GRIK3: variants seen among roughly 807,000 people sequenced by gnomAD.
The protein encoded by GRIK3 is glutamate receptor ionotropic, kainate 3.
Under a neutral mutation model 102.5 loss-of-function variants are expected in GRIK3, and 29 were observed. The ratio of observed to expected loss-of-function variants is 0.28; its 90% CI spans 0.21 to 0.39. The LOEUF is 0.39. Ranked by LOEUF, GRIK3 falls within the 10% of genes least tolerant of loss-of-function variation. The pLI, the probability that GRIK3 is intolerant of heterozygous loss-of-function variation, is 1.00. For synonymous variants in GRIK3, 511 were observed against 504.9 expected (o/e 1.01, Z -0.16); for missense variants, 908 against 1,252.4 (o/e 0.73, Z 4.15).
intron 14 of GRIK3, among the ~76,000 whole-genome samples, chr1:36,805,808 T>C (rs1256224918): frequency 6.6e-6 from 1 of 151,242 alleles, no homozygotes; most frequent in Non-Finnish European, 1.5e-5. Context: ...TGGTGGCACA[T>C]GCCTGTAATC....
At chr1:36,983,135 G>A (rs1434752746) in intron 1 of GRIK3, among the ~76,000 whole-genome samples, 2 of 152,046 alleles carry the variant, frequency 1.3e-5, no homozygotes, top group Non-Finnish European at 2.9e-5. Flanking sequence ...GTGCACACCC[G>A]AGCAGCATGC....
At chr1:36,821,527 G>A (rs1408011356) in intron 11 of GRIK3, among the ~76,000 whole-genome samples, 1 of 152,202 alleles carries the variant, frequency 6.6e-6, no homozygotes, top group African/African-American at 2.4e-5. Flanking sequence ...GTGCTCTGTC[G>A]GTGGAACCAG....
intron 1 of GRIK3, among the ~76,000 whole-genome samples, chr1:36,970,699 A>C (rs1209075797): frequency 6.6e-6 from 1 of 151,700 alleles, no homozygotes; most frequent in Non-Finnish European, 1.5e-5. Context: ...TCCCCAGCCC[A>C]CTCCACTGTA....
intron 1 of GRIK3, among the ~76,000 whole-genome samples, chr1:36,917,881 C>T (rs2124301089): frequency 6.6e-6 from 1 of 152,276 alleles, no homozygotes; most frequent in Non-Finnish European, 1.5e-5. Flanking sequence ...AGCTAAGCTG[C>T]TCTTGTCAAA....
chr1:36,909,104 T>C (rs1641317207), intron 1 of GRIK3, among the ~76,000 whole-genome samples: 1 of 152,132 alleles, frequency 6.6e-6, no homozygotes, highest in African/African-American at 2.4e-5. Flanking sequence ...TTGTTAAAAC[T>C]ACAAAGTGGC....
At chr1:36,831,287 A>T (rs1268150983) in intron 10 of GRIK3, among the ~76,000 whole-genome samples, 3 of 152,078 alleles carry the variant, frequency 2.0e-5, no homozygotes, top group African/African-American at 7.2e-5. Flanking sequence ...CATATACTTC[A>T]CGTTGCCTGG....
At chr1:36,984,609 C>T (rs755064368) in intron 1 of GRIK3, among the ~76,000 whole-genome samples, 5 of 152,212 alleles carry the variant, frequency 3.3e-5, no homozygotes, top group Non-Finnish European at 7.3e-5. Flanking sequence ...CTGGGTCTAG[C>T]AGGGAGGAGT....
chr1:36,972,566 TC>T (rs1489348557), intron 1 of GRIK3, among the ~76,000 whole-genome samples: 1 of 152,114 alleles, frequency 6.6e-6, no homozygotes, highest in African/African-American at 2.4e-5. Context: ...CCACTCTTAT[TC>T]CCCTTTCCCT....
At chr1:36,942,406 C>A (rs188779874) in intron 1 of GRIK3, among the ~76,000 whole-genome samples, 4 of 152,296 alleles carry the variant, frequency 2.6e-5, no homozygotes, top group Admixed American at 2.6e-4. Flanking sequence ...TTCAAAGGCT[C>A]CTCTGGTAAA....
intron 13 of GRIK3, among the ~76,000 whole-genome samples, chr1:36,809,999 C>T (rs1312854815): frequency 6.6e-6 from 1 of 152,108 alleles, no homozygotes; most frequent in Non-Finnish European, 1.5e-5. Flanking sequence ...AGAATGGTCC[C>T]CACTGTCCTT....
intron 1 of GRIK3, among the ~76,000 whole-genome samples, chr1:37,026,328 A>G (rs138660114): frequency 1.8e-4 from 28 of 152,316 alleles, no homozygotes; most frequent in African/African-American, 6.7e-4. Context: ...TAATTGGTAC[A>G]GACTGCTAGG....
chr1:36,836,379 C>T (rs1228711195), intron 10 of GRIK3, among the ~76,000 whole-genome samples: 1 of 152,278 alleles, frequency 6.6e-6, no homozygotes, highest in Non-Finnish European at 1.5e-5. Flanking sequence ...TGTTCACCCA[C>T]GTGTCCCTCA....
At chr1:37,033,233 C>CCCGCCAGCCG (rs1642847699) in intron 1 of GRIK3, among the ~76,000 whole-genome samples, 1 of 152,236 alleles carries the variant, frequency 6.6e-6, no homozygotes. Context: ...CGCGCGCAGC[C>CCCGCCAGCCG]CCGCCAGCCG....
intron 1 of GRIK3, among the ~76,000 whole-genome samples, chr1:36,932,638 G>A (rs1377553062): frequency 6.6e-6 from 1 of 152,162 alleles, no homozygotes; most frequent in Non-Finnish European, 1.5e-5. Context: ...GAAGCTTCTT[G>A]GCTAAAATAA....
At chr1:36,831,132 A>G (rs889388453) in intron 10 of GRIK3, among the ~76,000 whole-genome samples, 1 of 152,198 alleles carries the variant, frequency 6.6e-6, no homozygotes, top group East Asian at 1.9e-4. Context: ...CTCCTTCCAC[A>G]GCCTGCTGCT....
chr1:36,998,199 A>G (rs1304322908), intron 1 of GRIK3, among the ~76,000 whole-genome samples: 3 of 152,184 alleles, frequency 2.0e-5, no homozygotes, highest in African/African-American at 7.2e-5. Context: ...TCTGATCCAT[A>G]TTTGGGGACA....
chr1:36,906,718 A>G (rs1468735593), intron 1 of GRIK3, among the ~76,000 whole-genome samples: 1 of 152,252 alleles, frequency 6.6e-6, no homozygotes, highest in African/African-American at 2.4e-5. Context: ...ACAATGTGTC[A>G]CAGTAGGCAC....
intron 1 of GRIK3, among the ~76,000 whole-genome samples, chr1:36,920,018 C>T (rs945240758): frequency 3.9e-5 from 6 of 152,234 alleles, no homozygotes; most frequent in Non-Finnish European, 8.8e-5. Flanking sequence ...GTGTGTGTCC[C>T]ACCCCAGGCT....
In GRIK3 at chr1:36,798,522, C is replaced by A. The variant is rs1336821834; in HGVS notation, c.*3329G>T. On this transcript the variant is annotated 3_prime_UTR_variant, in exon 16 of 16. Transcript: ENST00000373091. ...GCACCTGCCCCAGCTCAGCTCCATG[C>A]CCACTGGCAGGACAGACCTAAACTT... 1 of 152,374 alleles carries A rather than the reference C, an allele frequency of 6.6e-6. No individual in the cohort carries two copies. Among genetic ancestry groups the A allele is most frequent in the Non-Finnish European group, 1.5e-5 (1 of 68,158 alleles). 9.4% of individuals were successfully genotyped at this position (152,374 alleles called of 1,614,324 possible). A position where few individuals can be genotyped will look rare whatever the true frequency, so the allele number is the denominator to read the frequency against.
Sources: allele counts gnomAD v4.1 joint callset (sites outside exome capture counted in the v4.1 genomes callset), GRCh38; gene constraint gnomAD v4.1.1; transcripts MANE v1.5; gene names NCBI Gene and HGNC (gene_info 2026-07-23, HGNC 2026-07-21).